Variants in SPOCK1 observed in about 807,000 individuals in gnomAD.
SPOCK1 encodes SPARC (osteonectin), cwcv and kazal like domains proteoglycan 1, also known as testican-1.
SPOCK1 carries 23 observed loss-of-function variants against 55.3 expected under a neutral mutation model. The observed-to-expected ratio is 0.42, with a 90% confidence interval of 0.30 to 0.59. The LOEUF is 0.59. SPOCK1 is among the 20% of genes least tolerant of loss of function. The pLI, the probability that SPOCK1 is intolerant of heterozygous loss-of-function variation, is 0.22. For synonymous variants in SPOCK1, 226 were observed against 221.0 expected (o/e 1.02, Z -0.20); for missense variants, 499 against 552.5 (o/e 0.90, Z 0.97).
At chr5:137,225,778 G>A (rs910830135) in intron 3 of SPOCK1, among the ~76,000 whole-genome samples, 1 of 152,210 alleles carries the variant, frequency 6.6e-6, no homozygotes. Flanking sequence ...TGCTGGTACA[G>A]GGATCACATT....
chr5:137,011,223 A>G lies in SPOCK1; in HGVS notation c.590-18623T>C, dbSNP rs183542277. On this transcript the variant is annotated intron_variant, in intron 6 of 10. Transcript: ENST00000394945. Reference sequence around the variant, plus strand: ...TGAAGAAAACAAAGGTACCTTCCAAAGAAACTTTAGTGCAATTGAGTCATT... The same window carrying G: ...TGAAGAAAACAAAGGTACCTTCCAAGGAAACTTTAGTGCAATTGAGTCATT... Among the ~76,000 whole-genome samples, 12 of 152,328 alleles carry G rather than the reference A, an allele frequency of 7.9e-5. No homozygotes were observed. The East Asian group carries it at 2.3e-3, about 29-fold the overall frequency.
In SPOCK1 at chr5:136,978,542, G is replaced by C. The variant is rs532387259; in HGVS notation, c.*112C>G. On this transcript the variant is annotated 3_prime_UTR_variant, in exon 11 of 11. Coordinates refer to ENST00000394945, the MANE Select transcript of SPOCK1 (RefSeq NM_004598.4). ...TCTTCCAAACCTTAGGTCGGGTATA[G>C]AGAGCAACAATGGAGAAGAGACCTT... 6 of 1,202,168 alleles carry C rather than the reference G, an allele frequency of 5.0e-6. No homozygotes were observed. In the South Asian group the frequency reaches 9.7e-5, roughly 19 times the overall value. 74.5% of individuals were successfully genotyped at this position (1,202,168 alleles called of 1,614,324 possible). A position where few individuals can be genotyped will look rare whatever the true frequency, so the allele number is the denominator to read the frequency against.
intron 2 of SPOCK1, among the ~76,000 whole-genome samples, chr5:137,415,393 C>G (rs1752307953): frequency 6.6e-6 from 1 of 152,120 alleles, no homozygotes; most frequent in Admixed American, 6.6e-5. Context: ...TAATGAAGGC[C>G]AGTGGTTAAG....
chr5:137,416,114 C>T (rs568163484), intron 2 of SPOCK1, among the ~76,000 whole-genome samples: 105 of 152,038 alleles, frequency 6.9e-4, no homozygotes, highest in African/African-American at 2.5e-3. Context: ...GAAAAGAACA[C>T]ATTTCTTGCT....
chr5:137,288,230 C>T (rs1387081225), intron 2 of SPOCK1, among the ~76,000 whole-genome samples: 3 of 152,184 alleles, frequency 2.0e-5, no homozygotes, highest in African/African-American at 7.2e-5. Flanking sequence ...GGTAAAGTTC[C>T]GTGGCTCAAT....
intron 5 of SPOCK1, among the ~76,000 whole-genome samples, chr5:137,100,363 GT>G (rs756833519): frequency 8.5e-5 from 13 of 152,136 alleles, no homozygotes; most frequent in Non-Finnish European, 1.6e-4. Context: ...AGGGAGTTGG[GT>G]TGTGCATTGG....
intron 4 of SPOCK1, among the ~76,000 whole-genome samples, chr5:137,136,650 GT>G (rs1753990761): frequency 6.6e-6 from 1 of 152,030 alleles, no homozygotes; most frequent in South Asian, 2.1e-4. Context: ...TACTTTTAAT[GT>G]TTTCTATAAC....
intron 6 of SPOCK1, among the ~76,000 whole-genome samples, chr5:137,053,073 C>T (rs906636362): frequency 6.6e-6 from 1 of 152,068 alleles, no homozygotes; most frequent in Non-Finnish European, 1.5e-5. Flanking sequence ...ATGAGGAACA[C>T]ATGATTTATA....
chr5:137,035,409 C>A (rs1751864959), intron 6 of SPOCK1, among the ~76,000 whole-genome samples: 1 of 152,194 alleles, frequency 6.6e-6, no homozygotes, highest in Non-Finnish European at 1.5e-5. Context: ...GGCACAGACA[C>A]TGTACCTCTC....
chr5:137,267,916 T>C (rs999262879), intron 2 of SPOCK1, among the ~76,000 whole-genome samples: 3 of 152,224 alleles, frequency 2.0e-5, no homozygotes, highest in African/African-American at 7.2e-5. Flanking sequence ...ATTATCCTCA[T>C]AGCATCTTTA....
intron 2 of SPOCK1, among the ~76,000 whole-genome samples, chr5:137,411,383 G>A (rs1369606545): frequency 2.0e-5 from 3 of 152,144 alleles, no homozygotes; most frequent in Non-Finnish European, 4.4e-5. Context: ...ACCTGAAGAA[G>A]GGGAGAGCAC....
At chr5:137,425,141 T>G (rs974414567) in intron 2 of SPOCK1, among the ~76,000 whole-genome samples, 1 of 152,200 alleles carries the variant, frequency 6.6e-6, no homozygotes, top group Admixed American at 6.5e-5. Context: ...ACTTCTAAAG[T>G]GCTTTCACAA....
At chr5:137,241,178 A>G (rs150907972) in intron 3 of SPOCK1, among the ~76,000 whole-genome samples, 2 of 152,312 alleles carry the variant, frequency 1.3e-5, no homozygotes, top group East Asian at 3.9e-4. Flanking sequence ...TTAACCTCAA[A>G]GTGGAAAAGG....
chr5:137,125,610 C>A (rs1048803737), intron 4 of SPOCK1, among the ~76,000 whole-genome samples: 1 of 152,058 alleles, frequency 6.6e-6, no homozygotes, highest in African/African-American at 2.4e-5. Context: ...AAGGGACTCT[C>A]ACCAGACAGA....
chr5:137,205,022 T>TC (rs760328349), intron 3 of SPOCK1, among the ~76,000 whole-genome samples: 6 of 152,132 alleles, frequency 3.9e-5, no homozygotes, highest in Non-Finnish European at 7.4e-5. Flanking sequence ...TCCCAATGAC[T>TC]CCAAAGAAGA....
At position 137,376,531 on chromosome 5, in the gene SPOCK1, G is replaced by C. The variant is rs569221321; in HGVS notation, c.187-109476C>G. Among the ~76,000 whole-genome samples the C allele has an allele frequency of 5.9e-5, 9 of 152,346 alleles. No homozygotes were observed. The South Asian group carries it at 1.9e-3, about 32-fold the overall frequency. On this transcript the variant is annotated intron_variant, in intron 2 of 10. Transcript: ENST00000394945. ...AGGTCCTCAGCCGTAGAGCTCCCCA[G>C]GGATGGGGGCAGAGGGGGGCCTTTT... is the stretch of plus-strand genomic sequence containing the variant.
intron 6 of SPOCK1, among the ~76,000 whole-genome samples, chr5:137,063,528 G>A (rs905511344): frequency 6.6e-6 from 1 of 152,276 alleles, no homozygotes; most frequent in Middle Eastern, 3.4e-3. Flanking sequence ...AGCACACTAG[G>A]AGATTGGAAG....
At chr5:137,187,689 T>C (rs1367210736) in intron 3 of SPOCK1, among the ~76,000 whole-genome samples, 1 of 152,178 alleles carries the variant, frequency 6.6e-6, no homozygotes, top group Non-Finnish European at 1.5e-5. Flanking sequence ...GGCATGCTCC[T>C]GGTGGCTGTC....
Position 137,135,705 on chromosome 5 carries a change from C to G in SPOCK1, c.347+4875G>C, listed in dbSNP as rs142045008. Among the ~76,000 whole-genome samples, 152 of 152,318 alleles carry G rather than the reference C, an allele frequency of 1.0e-3. 4 individuals are homozygous for G. The Middle Eastern group carries it at 0.024, about 24-fold the overall frequency. ...ATCACAGATTGGTCTGTATTCTCTA[C>G]AATTTCAAGTAAATGGAAATTGTAT... On this transcript the variant is annotated intron_variant, in intron 4 of 10. Coordinates refer to ENST00000394945, the MANE Select transcript of SPOCK1 (RefSeq NM_004598.4).
Sources: gnomAD v4.1 joint callset for allele counts (sites outside exome capture counted in the v4.1 genomes callset) on GRCh38, gnomAD v4.1.1 for gene constraint, MANE v1.5 for transcripts, NCBI Gene and HGNC (gene_info 2026-07-23, HGNC 2026-07-21) for gene names.